The following PTPRM variants were observed in gnomAD, a reference collection of about 807,000 sequenced individuals.
PTPRM encodes protein tyrosine phosphatase receptor type M.
A neutral mutation model predicts 186.7 loss-of-function variants in PTPRM; 47 were observed. That is an observed-to-expected ratio of 0.25 (90% CI 0.20 to 0.32). The LOEUF (loss-of-function observed/expected upper bound fraction) is 0.32. PTPRM is among the 10% of genes least tolerant of loss of function. The probability of loss-of-function intolerance (pLI) is 1.00; values close to 1 mark genes in which losing one functional copy is unlikely to be tolerated. For missense variants in PTPRM, 1,494 were observed against 1,865.0 expected (o/e 0.80, Z 3.66); for synonymous variants, 668 against 674.9 (o/e 0.99, Z 0.16).
chr18:7,985,012 TATA>T (rs2082824464), intron 7 of PTPRM, among the ~76,000 whole-genome samples: 1 of 126,236 alleles, frequency 7.9e-6, no homozygotes, highest in African/African-American at 3.2e-5. Flanking sequence ...TGTATATACA[TATA>T]ATTATATATA....
chr18:8,070,805 G>A (rs1262500302), intron 8 of PTPRM, among the ~76,000 whole-genome samples: 1 of 152,136 alleles, frequency 6.6e-6, no homozygotes, highest in Admixed American at 6.5e-5. Flanking sequence ...GAATGACAAA[G>A]AATGTAGGAA....
intron 1 of PTPRM, among the ~76,000 whole-genome samples, chr18:7,595,944 T>C (rs1224058284): frequency 1.3e-5 from 2 of 152,234 alleles, no homozygotes; most frequent in African/African-American, 2.4e-5. Flanking sequence ...AAGATGCACC[T>C]GAATCATTTG....
intron 11 of PTPRM, among the ~76,000 whole-genome samples, chr18:8,099,080 C>T (rs539733870): frequency 6.6e-6 from 1 of 152,086 alleles, no homozygotes; most frequent in Non-Finnish European, 1.5e-5. Flanking sequence ...GGAATCTTCT[C>T]TCTTTTATCT....
intron 14 of PTPRM, among the ~76,000 whole-genome samples, chr18:8,177,726 C>G (rs779790503): frequency 9.9e-5 from 15 of 152,142 alleles, no homozygotes; most frequent in Non-Finnish European, 1.9e-4. Context: ...AGCTTTGGAG[C>G]AGGGAGGAAA....
At chr18:7,986,556 G>T (rs1023170338) in intron 7 of PTPRM, among the ~76,000 whole-genome samples, 1 of 152,214 alleles carries the variant, frequency 6.6e-6, no homozygotes, top group Non-Finnish European at 1.5e-5. Flanking sequence ...AGCCAAGGCC[G>T]GTGAATGAAG....
intron 1 of PTPRM, among the ~76,000 whole-genome samples, chr18:7,654,356 A>G (rs913067832): frequency 6.6e-6 from 1 of 152,096 alleles, no homozygotes; most frequent in Non-Finnish European, 1.5e-5. Context: ...TTTTTGTGTG[A>G]AAAATTAGAC....
chr18:7,632,352 C>T (rs1475651323), intron 1 of PTPRM, among the ~76,000 whole-genome samples: 4 of 152,280 alleles, frequency 2.6e-5, no homozygotes, highest in Admixed American at 6.5e-5. Context: ...AGAGATGTTG[C>T]GTAATTGGCC....
At chr18:7,960,165 A>G (rs1263024502) in intron 7 of PTPRM, among the ~76,000 whole-genome samples, 2 of 152,262 alleles carry the variant, frequency 1.3e-5, no homozygotes, top group Non-Finnish European at 1.5e-5. Context: ...TGACTTGCCA[A>G]TAACTGGCCC....
At chr18:8,229,877 G>C (rs2147144555) in intron 14 of PTPRM, among the ~76,000 whole-genome samples, 1 of 150,630 alleles carries the variant, frequency 6.6e-6, no homozygotes, top group East Asian at 2.0e-4. Context: ...ACAGTTACTT[G>C]CTGAAGAGAT....
intron 19 of PTPRM, among the ~76,000 whole-genome samples, chr18:8,258,539 C>A (rs551863551): frequency 1.3e-5 from 2 of 152,162 alleles, no homozygotes; most frequent in South Asian, 4.2e-4. Flanking sequence ...TTGCAGTCCC[C>A]AAAGGACCTT....
chr18:7,611,504 C>A (rs1201861325), intron 1 of PTPRM, among the ~76,000 whole-genome samples: 2 of 152,152 alleles, frequency 1.3e-5, no homozygotes, highest in Non-Finnish European at 2.9e-5. Flanking sequence ...CTTACAGTTA[C>A]CTACAGTATT....
intron 1 of PTPRM, among the ~76,000 whole-genome samples, chr18:7,575,798 T>A (rs927042290): frequency 6.6e-6 from 1 of 152,030 alleles, no homozygotes; most frequent in Non-Finnish European, 1.5e-5. Flanking sequence ...GCACTGAGGG[T>A]TTAGGTATGT....
chr18:8,226,847 A>G (rs1367193316), intron 14 of PTPRM, among the ~76,000 whole-genome samples: 1 of 152,036 alleles, frequency 6.6e-6, no homozygotes, highest in Non-Finnish European at 1.5e-5. Flanking sequence ...GAGAGAATTC[A>G]TTTCCTGGCC....
At chr18:7,916,012 A>AAAACTACACGTTT (rs1266640207) in intron 4 of PTPRM, among the ~76,000 whole-genome samples, 1 of 152,256 alleles carries the variant, frequency 6.6e-6, no homozygotes, top group Non-Finnish European at 1.5e-5. Context: ...CAGAAAAACA[A>AAAACTACACGTTT]AAACTACACG....
At chr18:7,997,952 T>G (rs2083640726) in intron 7 of PTPRM, among the ~76,000 whole-genome samples, 1 of 152,156 alleles carries the variant, frequency 6.6e-6, no homozygotes, top group Non-Finnish European at 1.5e-5. Flanking sequence ...GTGTAGCCAT[T>G]ATGGAAGGCA....
At chr18:8,274,940 C>T (rs138401927) in intron 19 of PTPRM, among the ~76,000 whole-genome samples, 92 of 152,258 alleles carry the variant, frequency 6.0e-4, no homozygotes, top group African/African-American at 1.9e-3. Flanking sequence ...CCTTAATTTA[C>T]GAGACATATA....
At chr18:7,638,172 A>G (rs1005132832) in intron 1 of PTPRM, among the ~76,000 whole-genome samples, 2 of 152,176 alleles carry the variant, frequency 1.3e-5, no homozygotes, top group Admixed American at 6.5e-5. Flanking sequence ...TGAGATAGTC[A>G]CATTTCCTAG....
At chr18:7,993,947 A>C (rs1242653499) in intron 7 of PTPRM, among the ~76,000 whole-genome samples, 1 of 152,114 alleles carries the variant, frequency 6.6e-6, no homozygotes, top group African/African-American at 2.4e-5. Context: ...AATGACAGGA[A>C]TAAGTTCTCA....
At chr18:8,358,249 G>GCACACA (rs144869213) in intron 23 of PTPRM, among the ~76,000 whole-genome samples, 1,666 of 147,582 alleles carry the variant, frequency 0.011, 9 homozygotes, top group Admixed American at 0.017. Context: ...CACATGACAC[G>GCACACA]CACACACACA....
Sources: gnomAD v4.1 joint callset for allele counts (sites outside exome capture counted in the v4.1 genomes callset) on GRCh38, gnomAD v4.1.1 for gene constraint, MANE v1.5 for transcripts, NCBI Gene and HGNC (gene_info 2026-07-23, HGNC 2026-07-21) for gene names.